Variants in NF1 observed in about 807,000 individuals in gnomAD.
NF1 encodes neurofibromin 1.
A neutral mutation model predicts 325.7 loss-of-function variants in NF1; 122 were observed. The ratio of observed to expected loss-of-function variants is 0.37; its 90% CI spans 0.32 to 0.44. The LOEUF is 0.44. Among genes scored for constraint, NF1 ranks in the 20% least tolerant of loss-of-function variants. The pLI, the probability that NF1 is intolerant of heterozygous loss-of-function variation, is 1.00. For missense variants in NF1, 2,140 were observed against 3,415.4 expected (o/e 0.63, Z 9.31); for synonymous variants, 1,091 against 1,186.0 (o/e 0.92, Z 1.65).
chr17:31,201,741 C>T (rs1342749317), intron 11 of NF1, among the ~76,000 whole-genome samples: 3 of 152,052 alleles, frequency 2.0e-5, no homozygotes, highest in East Asian at 1.9e-4. Context: ...AAATCTAAAA[C>T]GTTTTATTCA....
chr17:31,098,996 GATTATATT>G (rs1474323972), intron 1 of NF1, among the ~76,000 whole-genome samples: 1 of 151,560 alleles, frequency 6.6e-6, no homozygotes, highest in African/African-American at 2.4e-5. Context: ...TTGAATTTTG[GATTATATT>G]ATCTGTACTT....
rs1303972238 is a variant in NF1, at chr17:31,229,077, G to A, written c.2462G>A (p.Ser821Asn). Residue 821 changes from serine to asparagine, a missense_variant, in exon 21 of 58, where the codon AGT becomes AAT. Transcript: ENST00000358273. ...TIVKRRMSHV[S>N]GGGSIDLSDT... is the part of the protein sequence containing the mutation. ...GTTAAGAGGCGAATGTCCCATGTGAGTGGAGGAGGATCCATAGATTTGTCT... is the reference window on the plus strand; with the variant it reads ...GTTAAGAGGCGAATGTCCCATGTGAATGGAGGAGGATCCATAGATTTGTCT... 3 of 1,611,924 alleles carry A rather than the reference G, an allele frequency of 1.9e-6. No individual in the cohort carries two copies. The highest frequency in any genetic ancestry group is 1.1e-5 in the South Asian group (1 of 90,992).
intron 1 of NF1, among the ~76,000 whole-genome samples, chr17:31,155,438 T>C (rs1342401477): frequency 6.6e-6 from 1 of 152,202 alleles, no homozygotes; most frequent in African/African-American, 2.4e-5. Flanking sequence ...TTACTGTTTT[T>C]TCCCCAGGTT....
chr17:31,299,664 T>A (rs964784048), intron 36 of NF1: 3 of 152,134 alleles, frequency 2.0e-5, no homozygotes, highest in Admixed American at 6.5e-5. Context: ...TATGGTTGGC[T>A]ATTTAGACTG....
intron 36 of NF1, among the ~76,000 whole-genome samples, chr17:31,274,677 CCTCT>C (rs2067968104): frequency 6.6e-6 from 1 of 151,930 alleles, no homozygotes; most frequent in Admixed American, 6.6e-5. Context: ...TTGTCATTGT[CCTCT>C]CTCTGCTCAC....
intron 1 of NF1, among the ~76,000 whole-genome samples, chr17:31,122,888 C>T (rs1914555189): frequency 6.6e-6 from 1 of 152,038 alleles, no homozygotes; most frequent in African/African-American, 2.4e-5. Flanking sequence ...GCTCTACCCT[C>T]TTCATGATGA....
Position 31,292,121 on chromosome 17 carries a change from A to G in NF1, c.4835+26782A>G, listed in dbSNP as rs115805220. ...AGGAAACTGTGACTTAGAGCAGTGA[A>G]ATAACTTGTCTATGGTCATACAGCT... On this transcript the variant is annotated intron_variant, in intron 36 of 57. Transcript: ENST00000358273. Among the ~76,000 whole-genome samples, 793 of 152,350 alleles carry G rather than the reference A, an allele frequency of 5.2e-3. 6 individuals are homozygous for G. The highest frequency in any genetic ancestry group is 0.018 in the African/African-American group (764 of 41,586).
At chr17:31,243,655 T>C (rs1398770026) in intron 29 of NF1, among the ~76,000 whole-genome samples, 1 of 151,796 alleles carries the variant, frequency 6.6e-6, no homozygotes, top group African/African-American at 2.4e-5. Context: ...GCCCAAGGGC[T>C]CTTCATTCAG....
intron 1 of NF1, among the ~76,000 whole-genome samples, chr17:31,138,741 A>ATTTTT (rs143773612): frequency 6.9e-6 from 1 of 144,882 alleles, no homozygotes; most frequent in Non-Finnish European, 1.5e-5. Flanking sequence ...CTACAGGCTA[A>ATTTTT]TTTTTTTTTT....
intron 36 of NF1, among the ~76,000 whole-genome samples, chr17:31,290,325 G>T (rs1484454964): frequency 6.6e-6 from 1 of 152,056 alleles, no homozygotes; most frequent in Non-Finnish European, 1.5e-5. Context: ...CACTTTGTCA[G>T]TGTATCACAT....
At chr17:31,162,075 A>C (rs2065772325) in intron 3 of NF1, among the ~76,000 whole-genome samples, 1 of 151,684 alleles carries the variant, frequency 6.6e-6, no homozygotes, top group South Asian at 2.1e-4. Flanking sequence ...AATATACAAT[A>C]CAGTAACTAG....
chr17:31,184,196 G>C (rs1015120327), intron 8 of NF1, among the ~76,000 whole-genome samples: 1 of 152,288 alleles, frequency 6.6e-6, no homozygotes, highest in East Asian at 1.9e-4. Flanking sequence ...TGTTTAGAGA[G>C]TTTGCAAAAT....
intron 30 of NF1, chr17:31,252,030 C>A (rs2067502640): frequency 4.8e-6 from 1 of 206,424 alleles, no homozygotes; most frequent in Non-Finnish European, 9.8e-6. Flanking sequence ...AATCAAGAGT[C>A]TTTTAATTTT....
rs2066477825 is a variant in NF1, at chr17:31,198,792, C to T, written c.889-1630C>T. On this transcript the variant is annotated intron_variant, in intron 8 of 57. Coordinates refer to ENST00000358273, the MANE Select transcript of NF1 (RefSeq NM_001042492.3). ...ACCATGCCTGTGTAATTTTTGTCTT[C>T]TTTACAGTAGAGATGGGGGTTTTAC... 2.6e-5 allele frequency among the ~76,000 whole-genome samples: 4 copies of T among 151,926 alleles called. No individual in the cohort carries two copies. In the South Asian group the frequency reaches 8.3e-4, roughly 32 times the overall value.
intron 2 of NF1, among the ~76,000 whole-genome samples, chr17:31,157,537 A>C (rs914796007): frequency 6.6e-6 from 1 of 152,190 alleles, no homozygotes; most frequent in Non-Finnish European, 1.5e-5. Flanking sequence ...TTATGGGTAC[A>C]TATTGATGTT....
In NF1 at chr17:31,222,578, A is replaced by G. The variant is rs550002719; in HGVS notation, c.1721+649A>G. 1.2e-4 allele frequency: 121 copies of G among 1,012,144 alleles called. No individual in the cohort carries two copies. In the South Asian group the frequency reaches 5.0e-3, roughly 42 times the overall value. 62.7% of individuals were successfully genotyped at this position (1,012,144 alleles called of 1,614,324 possible). ...AGTAGTGCTGTCCACTAGTAATATA[A>G]TGAGAACCCCATATGTTAAAAACTT... On this transcript the variant is annotated intron_variant, in intron 15 of 57. Transcript: ENST00000358273.
rs1420267749 is a variant in NF1, at chr17:31,201,406, T to C, written c.1186-5T>C. The C allele has an allele frequency of 6.2e-7, 1 of 1,607,654 alleles. No homozygotes were observed. On this transcript the variant is annotated splice_polypyrimidine_tract_variant and splice_region_variant and intron_variant, in intron 10 of 57. Transcript: ENST00000358273. ...TAATCTGCTTTTTTTTTTCTTTTTC[T>C]ATAGATCTGCCTGGCTCAGAATTCA...
rs2151550455 is a variant in NF1 at position 31,334,919 on chromosome 17, A to G, written c.5894A>G (p.Asp1965Gly). The G allele has an allele frequency of 6.2e-7, 1 of 1,613,924 alleles. No homozygotes were observed. The highest frequency in any genetic ancestry group is 8.5e-7 in the Non-Finnish European group (1 of 1,179,956). Residue 1965 changes from aspartate to glycine, a missense_variant, in exon 40 of 58, where the codon GAT becomes GGT. Physicochemically the swap from Asp to Gly is moderately conservative, Grantham distance 94. Transcript: ENST00000358273. ...GTTCGTTTTTGCAAGCATAATGATG[A>G]TGCCAAACGACAAAGAGTTACTGCT... ...NLVRFCKHND[D>G]AKRQRVTAIL...
rs187784810 is a variant in NF1 at position 31,099,761 on chromosome 17, G to A, written c.60+4392G>A. The stretch of plus-strand genomic sequence containing the variant: ...TTTTAGTAGAGACGGGGGTTTCACC[G>A]TGTTGGCCAGGCTGGTCTCCAACTC... On this transcript the variant is annotated intron_variant, in intron 1 of 57. Coordinates refer to ENST00000358273, the MANE Select transcript of NF1 (RefSeq NM_001042492.3). 3.3e-5 allele frequency among the ~76,000 whole-genome samples: 5 copies of A among 151,676 alleles called. No individual in the cohort carries two copies. The East Asian group carries it at 5.8e-4, about 18-fold the overall frequency.
Sources: allele counts gnomAD v4.1 joint callset (sites outside exome capture counted in the v4.1 genomes callset), GRCh38; gene constraint gnomAD v4.1.1; transcripts MANE v1.5; gene names NCBI Gene and HGNC (gene_info 2026-07-23, HGNC 2026-07-21).